Variants in SORL1 observed in about 807,000 individuals in gnomAD.
The protein encoded by SORL1 is sortilin-related receptor.
In SORL1, 127 loss-of-function variants were observed where a neutral mutation model predicts 273.7. The ratio of observed to expected loss-of-function variants is 0.46; its 90% CI spans 0.40 to 0.54. The LOEUF (loss-of-function observed/expected upper bound fraction) is 0.54, where lower values mean the gene tolerates loss of function less well. Among genes scored for constraint, SORL1 ranks in the 20% least tolerant of loss-of-function variants. SORL1 has a pLI of 0.00. For missense variants in SORL1, 2,494 were observed against 2,846.1 expected (o/e 0.88, Z 2.81); for synonymous variants, 1,031 against 1,067.4 (o/e 0.97, Z 0.66).
chr11:121,599,227 A>G (rs543528572), intron 32 of SORL1, among the ~76,000 whole-genome samples: 1 of 152,338 alleles, frequency 6.6e-6, no homozygotes, highest in East Asian at 1.9e-4. Context: ...AAATCCATAT[A>G]AATAAATAAA....
intron 21 of SORL1, among the ~76,000 whole-genome samples, chr11:121,561,014 A>T (rs1862664170): frequency 6.6e-6 from 1 of 152,186 alleles, no homozygotes; most frequent in Non-Finnish European, 1.5e-5. Flanking sequence ...CAGTGACTGA[A>T]ATCTTCAGAC....
intron 11 of SORL1, among the ~76,000 whole-genome samples, chr11:121,531,401 A>T (rs12277675): frequency 6.6e-6 from 1 of 152,184 alleles, no homozygotes; most frequent in Non-Finnish European, 1.5e-5. Flanking sequence ...CTCAAAAAAT[A>T]AAAAATTAAA....
At position 121,497,008 on chromosome 11, in the gene SORL1, T is replaced by C; in HGVS notation, c.898T>C (p.Phe300Leu). 6.2e-7 allele frequency: 1 copy of C among 1,614,106 alleles called. No homozygotes were observed. Among genetic ancestry groups the C allele is most frequent in the Non-Finnish European group, 8.5e-7 (1 of 1,180,012 alleles). Reference protein sequence around the residue: ...QEVILEEVRDFQLRDKYMFAT... With the variant: ...QEVILEEVRDLQLRDKYMFAT... ...AGTGATCCTTGAGGAAGTGAGAGAT[T>C]TTCAGCTTCGGGACAAGTACATGTT... Residue 300 changes from phenylalanine to leucine, a missense_variant, in exon 6 of 48, where the codon TTT becomes CTT. By Grantham distance (22) the Phe-to-Leu change is conservative. Transcript: ENST00000260197.
chr11:121,520,808 G>T lies in SORL1; in HGVS notation c.1363G>T (p.Ala455Ser). The T allele has an allele frequency of 1.2e-6, 2 of 1,609,672 alleles. No individual in the cohort carries two copies. Among genetic ancestry groups the T allele is most frequent in the Non-Finnish European group, 1.7e-6 (2 of 1,178,632 alleles). Residue 455 changes from alanine (A) to serine (S), a missense_variant, in exon 9 of 48, where the codon GCT (alanine) becomes TCT (serine). By Grantham distance (99) the Ala-to-Ser change is moderately conservative. Around this residue, in one of 3 missense-constraint regions of SORL1, gnomAD observed 710 missense variants for 882.5 expected, o/e 0.80. Transcript: ENST00000260197. ...AGGGGGAACCTGGGAGTTTCTTCAG[G>T]CTCCAGCCTTCACGGGATATGGAGA... ...DKGGTWEFLQ[A>S]PAFTGYGEKI...
chr11:121,584,689 G>T lies in SORL1; in HGVS notation c.3706+1106G>T, dbSNP rs138186162. 4.8e-3 allele frequency among the ~76,000 whole-genome samples: 736 copies of T among 152,020 alleles called. 4 individuals carry two copies. Among genetic ancestry groups the T allele is most frequent in the African/African-American group, 0.017 (700 of 41,448 alleles). ...TCACTGCAGCTTTGACCTCCTGGGC[G>T]CAAGGCATCTTCCTACTTCAGCCTC... On this transcript the variant is annotated intron_variant, in intron 26 of 47. Coordinates refer to ENST00000260197, the MANE Select transcript of SORL1 (RefSeq NM_003105.6).
chr11:121,512,344 A>G (rs1344137118), intron 6 of SORL1, among the ~76,000 whole-genome samples: 2 of 152,336 alleles, frequency 1.3e-5, no homozygotes, highest in Admixed American at 6.5e-5. Flanking sequence ...GCTTTTATAC[A>G]CATTTCCAAG....
chr11:121,550,225 A>G lies in SORL1; in HGVS notation c.2180+137A>G, dbSNP rs1862487648. The stretch of plus-strand genomic sequence containing the variant: ...TAACAGCCTGCAAGTAGTTTGGGCA[A>G]CATTATAAATTATGGTATTTGTAAA... On this transcript the variant is annotated intron_variant, in intron 15 of 47. Transcript: ENST00000260197. This position sits in a 1 kb window ranked among gnomAD's most constrained non-coding sequence, Gnocchi z 5.3. 1 of 875,466 alleles carries G rather than the reference A, an allele frequency of 1.1e-6. No homozygotes were observed. Among genetic ancestry groups the G allele is most frequent in the Non-Finnish European group, 1.7e-6 (1 of 589,410 alleles). The allele number at this position is 875,466 out of a possible 1,614,324, so 54.2% of individuals were successfully genotyped here. A position where few individuals can be genotyped will look rare whatever the true frequency, so the allele number is the denominator to read the frequency against.
chr11:121,595,955 C>T lies in SORL1; in HGVS notation c.4519+183C>T, dbSNP rs1329282057. 6.6e-6 allele frequency among the ~76,000 whole-genome samples: 1 copy of T among 152,238 alleles called. No individual in the cohort carries two copies. Among genetic ancestry groups the T allele is most frequent in the Non-Finnish European group, 1.5e-5 (1 of 68,040 alleles). ...CGTGCACCCATACCATTGCGTTAGTCACCTTCTTTTTAATAAGTTGACTGC... is the reference window on the plus strand; with the variant it reads ...CGTGCACCCATACCATTGCGTTAGTTACCTTCTTTTTAATAAGTTGACTGC... On this transcript the variant is annotated intron_variant, in intron 32 of 47. Coordinates refer to ENST00000260197, the MANE Select transcript of SORL1 (RefSeq NM_003105.6). This position sits in a 1 kb window ranked among gnomAD's most constrained non-coding sequence, Gnocchi z 5.1.
chr11:121,531,743 G>A lies in SORL1; in HGVS notation c.1597-721G>A, dbSNP rs1045928268. Among the ~76,000 whole-genome samples the A allele has an allele frequency of 3.9e-5, 6 of 152,318 alleles. No individual in the cohort carries two copies. In the East Asian group the frequency reaches 1.2e-3, roughly 29 times the overall value. ...ACGTACACTTCAGGGGTTAGGCTGCGACTTGCGTAAGTTCATATACAAAAT... is the reference window on the plus strand; with the variant it reads ...ACGTACACTTCAGGGGTTAGGCTGCAACTTGCGTAAGTTCATATACAAAAT... On this transcript the variant is annotated intron_variant, in intron 11 of 47. Transcript: ENST00000260197.
rs143897614 is a variant in SORL1 at position 121,547,332 on chromosome 11, GT to G, written c.2051+1916del. ...TAAGAAAGTCTAACAAATCTTTGGG[GT>G]TTTTTTTTTTTTCATGACATTTAGG... is the stretch of plus-strand genomic sequence containing the variant. On this transcript the variant is annotated intron_variant, in intron 14 of 47. Coordinates refer to ENST00000260197, the MANE Select transcript of SORL1 (RefSeq NM_003105.6). Among the ~76,000 whole-genome samples the G allele has an allele frequency of 1.2e-3, 151 of 121,928 alleles. 1 individual carries two copies. Among genetic ancestry groups the G allele is most frequent in the East Asian group, 5.2e-3 (22 of 4,192 alleles). 80.0% of individuals were successfully genotyped at this position (121,928 alleles called of 152,430 possible).
In SORL1 at chr11:121,590,334, A is replaced by C; in HGVS notation, c.4213+160A>C. The stretch of plus-strand genomic sequence containing the variant: ...TTTCTGTTCCTCTTTCTCATTTTGA[A>C]ATAAGTGTGGTTGGTTTCTCCTATT... On this transcript the variant is annotated intron_variant, in intron 30 of 47. Transcript: ENST00000260197. 8.9e-6 allele frequency: 6 copies of C among 671,062 alleles called. No individual in the cohort carries two copies. The South Asian group carries it at 1.2e-4, about 14-fold the overall frequency. The allele number at this position is 671,062 out of a possible 1,614,324, so 41.6% of individuals were successfully genotyped here.
At chr11:121,456,647 T>G (rs1455195673) in intron 1 of SORL1, among the ~76,000 whole-genome samples, 1 of 152,240 alleles carries the variant, frequency 6.6e-6, no homozygotes, top group East Asian at 1.9e-4. Context: ...CTTTTAGGGC[T>G]ATCATTCTGG....
intron 1 of SORL1, among the ~76,000 whole-genome samples, chr11:121,456,642 A>G (rs1860910914): frequency 6.6e-6 from 1 of 152,180 alleles, no homozygotes; most frequent in Non-Finnish European, 1.5e-5. Flanking sequence ...CCTCCCTTTT[A>G]GGGCTATCAT....
At chr11:121,603,579 G>A (rs1273522291) in intron 32 of SORL1, among the ~76,000 whole-genome samples, 2 of 152,130 alleles carry the variant, frequency 1.3e-5, no homozygotes, top group African/African-American at 4.8e-5. Flanking sequence ...TAACTTACCA[G>A]TGCTCATTAT....
At position 121,595,482 on chromosome 11, in the gene SORL1, C is replaced by T. The variant is rs1463269008; in HGVS notation, c.4370-141C>T. 2.7e-6 allele frequency: 2 copies of T among 747,824 alleles called. No homozygotes were observed. The highest frequency in any genetic ancestry group is 4.4e-6 in the Non-Finnish European group (2 of 450,642). The allele number at this position is 747,824 out of a possible 1,614,324, so 46.3% of individuals were successfully genotyped here. On this transcript the variant is annotated intron_variant, in intron 31 of 47. Coordinates refer to ENST00000260197, the MANE Select transcript of SORL1 (RefSeq NM_003105.6). This position sits in a 1 kb window ranked among gnomAD's most constrained non-coding sequence, Gnocchi z 5.1. Reference sequence around the variant, plus strand: ...ATTAGATGTCTGTATCTACTCTGCTCTCTATCCGGAACTCGCATTTGTCTT... The same window carrying T: ...ATTAGATGTCTGTATCTACTCTGCTTTCTATCCGGAACTCGCATTTGTCTT...
intron 5 of SORL1, among the ~76,000 whole-genome samples, chr11:121,495,776 T>C (rs922671716): frequency 1.8e-4 from 27 of 152,214 alleles, no homozygotes; most frequent in African/African-American, 5.8e-4. Flanking sequence ...TAGTTTGGCC[T>C]GGTCATTCTA....
In SORL1 at chr11:121,595,654, A is replaced by T. The variant is rs773670872; in HGVS notation, c.4401A>T (p.Gln1467His). The T allele has an allele frequency of 8.7e-6, 14 of 1,611,460 alleles. No individual in the cohort carries two copies. The highest frequency in any genetic ancestry group is 1.2e-5 in the Non-Finnish European group (14 of 1,178,816). The change falls in exon 32 of 48, where the codon CAA (glutamine) becomes CAT (histidine). Residue 1467 changes from glutamine to histidine, a missense_variant. By Grantham distance (24) the Gln-to-His change is conservative. Around this residue, in one of 3 missense-constraint regions of SORL1, gnomAD observed 1,609 missense variants for 1,816.4 expected, o/e 0.89. Transcript: ENST00000260197. This position sits in a 1 kb window ranked among gnomAD's most constrained non-coding sequence, Gnocchi z 5.1. ...TCACTGCTGCCTCCACTCCCACCCA[A>T]CTTGGGCGATGTGACCGATTTGAGT... ...ANVTAASTPT[Q>H]LGRCDRFEFE...
intron 11 of SORL1, among the ~76,000 whole-genome samples, chr11:121,525,796 C>G (rs886612080): frequency 2.0e-5 from 3 of 152,172 alleles, no homozygotes; most frequent in Non-Finnish European, 4.4e-5. Context: ...TGCCTATAAT[C>G]CCAGCACTTC....
At chr11:121,462,277 T>G (rs1344880947) in intron 1 of SORL1, among the ~76,000 whole-genome samples, 1 of 152,182 alleles carries the variant, frequency 6.6e-6, no homozygotes, top group Non-Finnish European at 1.5e-5. Flanking sequence ...GATCTTGTAA[T>G]TTTTCAAACA....
Sources: gnomAD v4.1 joint callset for allele counts (sites outside exome capture counted in the v4.1 genomes callset) on GRCh38, gnomAD v4.1.1 for gene constraint, gnomAD v4.1.1 regional missense constraint, Gnocchi (gnomAD v3.1) non-coding constraint, MANE v1.5 for transcripts, NCBI Gene and HGNC (gene_info 2026-07-23, HGNC 2026-07-21) for gene names.